TRABD2B: variants seen among roughly 807,000 people sequenced by gnomAD.
TRABD2B encodes TraB domain containing 2B.
TRABD2B carries 14 observed loss-of-function variants against 40.1 expected under a neutral mutation model. The ratio of observed to expected loss-of-function variants is 0.35; its 90% CI spans 0.23 to 0.55. TRABD2B has a LOEUF of 0.55. Among genes scored for constraint, TRABD2B ranks in the 20% least tolerant of loss-of-function variants. TRABD2B has a pLI of 0.90. For missense variants in TRABD2B, 541 were observed against 648.6 expected (o/e 0.83, Z 1.80); for synonymous variants, 263 against 277.0 (o/e 0.95, Z 0.50).
intron 2 of TRABD2B, among the ~76,000 whole-genome samples, chr1:47,885,672 G>A (rs1359218837): frequency 2.6e-5 from 4 of 152,148 alleles, no homozygotes; most frequent in East Asian, 1.9e-4. Flanking sequence ...CAAGTAGCTC[G>A]GTGGCCGGGA....
At chr1:47,838,377 G>A (rs1239751392) in intron 2 of TRABD2B, among the ~76,000 whole-genome samples, 1 of 152,208 alleles carries the variant, frequency 6.6e-6, no homozygotes. Flanking sequence ...CAAGGAGGTG[G>A]TGAGCATCCA....
chr1:47,839,441 A>C (rs541501313), intron 2 of TRABD2B, among the ~76,000 whole-genome samples: 1 of 152,206 alleles, frequency 6.6e-6, no homozygotes, highest in South Asian at 2.1e-4. Flanking sequence ...CAGCCTCTTC[A>C]ATGTCTCTGG....
At chr1:47,812,558 A>AAAC (rs10625541) in intron 2 of TRABD2B, among the ~76,000 whole-genome samples, 148,150 of 151,810 alleles carry the variant, frequency 0.98, 72,409 homozygotes, top group East Asian at 1. Flanking sequence ...CCATCTCTAA[A>AAAC]AACAACAACA....
rs1257345338 is a variant in TRABD2B, at chr1:47,916,017, T to C, written c.666+78017A>G. Among the ~76,000 whole-genome samples, 8 of 152,210 alleles carry C rather than the reference T, an allele frequency of 5.3e-5. No individual in the cohort carries two copies. In the East Asian group the frequency reaches 9.7e-4, roughly 18 times the overall value. ...TGCAGGCTGGGAGGAAAAAGCCTTT[T>C]CTGCAGGTCTGCAAGGACCTGGGGT... On this transcript the variant is annotated intron_variant, in intron 2 of 6. Coordinates refer to ENST00000606738, the MANE Select transcript of TRABD2B (RefSeq NM_001194986.2).
At chr1:47,835,759 A>C (rs1327546958) in intron 2 of TRABD2B, among the ~76,000 whole-genome samples, 5 of 152,240 alleles carry the variant, frequency 3.3e-5, no homozygotes, top group African/African-American at 1.2e-4. Flanking sequence ...CCCTTCACTA[A>C]ATGCTGAAGT....
chr1:47,852,572 G>A lies in TRABD2B; in HGVS notation c.667-50953C>T, dbSNP rs181854871. ...GTCACGTCTGGCCAGAACTCTCCGG[G>A]AATGTCAGCTCTCAGCAGGACCAGC... On this transcript the variant is annotated intron_variant, in intron 2 of 6. Coordinates refer to ENST00000606738, the MANE Select transcript of TRABD2B (RefSeq NM_001194986.2). Among the ~76,000 whole-genome samples the A allele has an allele frequency of 2.0e-5, 3 of 152,318 alleles. No individual in the cohort carries two copies. The East Asian group carries it at 5.8e-4, about 29-fold the overall frequency.
At chr1:47,877,158 G>C (rs1644237052) in intron 2 of TRABD2B, among the ~76,000 whole-genome samples, 1 of 151,906 alleles carries the variant, frequency 6.6e-6, no homozygotes, top group Non-Finnish European at 1.5e-5. Flanking sequence ...ATACAAGCAG[G>C]GGCCCAAAGG....
rs536906612 is a variant in TRABD2B, at chr1:47,937,029, A to G, written c.666+57005T>C. Among the ~76,000 whole-genome samples, 4 of 151,300 alleles carry G rather than the reference A, an allele frequency of 2.6e-5. No homozygotes were observed. In the East Asian group the frequency reaches 7.8e-4, roughly 30 times the overall value. On this transcript the variant is annotated intron_variant, in intron 2 of 6. Transcript: ENST00000606738. ...CACCATCATCACCACTACCATGATCATCATCACCATCACCACCACCACCAT... is the reference window on the plus strand; with the variant it reads ...CACCATCATCACCACTACCATGATCGTCATCACCATCACCACCACCACCAT...
At chr1:47,967,214 A>T (rs1173160849) in intron 2 of TRABD2B, among the ~76,000 whole-genome samples, 1 of 152,130 alleles carries the variant, frequency 6.6e-6, no homozygotes, top group Non-Finnish European at 1.5e-5. Context: ...GCTTTTATTC[A>T]CTAAGCAGGG....
chr1:47,948,589 T>C (rs191874157), intron 2 of TRABD2B, among the ~76,000 whole-genome samples: 2 of 152,276 alleles, frequency 1.3e-5, no homozygotes, highest in East Asian at 3.9e-4. Flanking sequence ...ATATTTTCAT[T>C]TTCAAGAGAA....
intron 2 of TRABD2B, among the ~76,000 whole-genome samples, chr1:47,910,404 T>G (rs1644746553): frequency 6.6e-6 from 1 of 152,202 alleles, no homozygotes; most frequent in Admixed American, 6.5e-5. Context: ...CCTGTCAGCT[T>G]TCACAGCTCT....
chr1:47,829,064 C>T lies in TRABD2B; in HGVS notation c.667-27445G>A, dbSNP rs567286063. Among the ~76,000 whole-genome samples, 56 of 152,304 alleles carry T rather than the reference C, an allele frequency of 3.7e-4. No homozygotes were observed. The Middle Eastern group carries it at 0.017, about 46-fold the overall frequency. ...GGGAGGGCAGGGAGGGTCATTACTG[C>T]TGAGGAAACTGAGGATGACTGGCCC... On this transcript the variant is annotated intron_variant, in intron 2 of 6. Transcript: ENST00000606738.
chr1:47,955,909 C>G (rs561287931), intron 2 of TRABD2B, among the ~76,000 whole-genome samples: 1 of 152,202 alleles, frequency 6.6e-6, no homozygotes. Flanking sequence ...GAACTCTAAG[C>G]AGCCTGTACC....
chr1:47,839,040 T>G (rs1276158893), intron 2 of TRABD2B, among the ~76,000 whole-genome samples: 3 of 152,166 alleles, frequency 2.0e-5, no homozygotes, highest in Non-Finnish European at 4.4e-5. Context: ...CTGGTCCCCA[T>G]CTGCTGTGAT....
At chr1:47,867,797 T>C (rs940883980) in intron 2 of TRABD2B, among the ~76,000 whole-genome samples, 2 of 152,060 alleles carry the variant, frequency 1.3e-5, no homozygotes, top group Admixed American at 1.3e-4. Flanking sequence ...AAAGCAAACA[T>C]GAAATGTGCT....
At chr1:47,944,867 G>T (rs950548134) in intron 2 of TRABD2B, among the ~76,000 whole-genome samples, 1 of 152,162 alleles carries the variant, frequency 6.6e-6, no homozygotes, top group Non-Finnish European at 1.5e-5. Context: ...TCCCGGGAGG[G>T]AACATCTCAG....
At chr1:47,816,745 T>A (rs189236097) in intron 2 of TRABD2B, among the ~76,000 whole-genome samples, 1 of 152,238 alleles carries the variant, frequency 6.6e-6, no homozygotes, top group Admixed American at 6.5e-5. Flanking sequence ...ACTTATGAGG[T>A]TAATCATTTG....
At chr1:47,876,007 C>G (rs538314877) in intron 2 of TRABD2B, among the ~76,000 whole-genome samples, 13 of 152,340 alleles carry the variant, frequency 8.5e-5, no homozygotes, top group African/African-American at 3.1e-4. Flanking sequence ...GTGTCACAAA[C>G]AAAGCCAAGA....
intron 2 of TRABD2B, among the ~76,000 whole-genome samples, chr1:47,940,032 T>C (rs1497100): frequency 0.96 from 146,134 of 152,252 alleles, 70,441 homozygotes; most frequent in Non-Finnish European, 1. Context: ...CCGAATTTCC[T>C]AGCCTTCCGT....
Sources: gnomAD v4.1 joint callset for allele counts (sites outside exome capture counted in the v4.1 genomes callset) on GRCh38, gnomAD v4.1.1 for gene constraint, MANE v1.5 for transcripts, NCBI Gene and HGNC (gene_info 2026-07-23, HGNC 2026-07-21) for gene names.